Variants in NUB1 observed in about 807,000 individuals in gnomAD.
The protein encoded by NUB1 is negative regulator of ubiquitin like proteins 1.
A neutral mutation model predicts 77.1 loss-of-function variants in NUB1; 41 were observed. The ratio of observed to expected loss-of-function variants is 0.53; its 90% CI spans 0.41 to 0.69. The LOEUF (loss-of-function observed/expected upper bound fraction) is 0.69. NUB1 is among the 30% of genes least tolerant of loss of function. The pLI, the probability that NUB1 is intolerant of heterozygous loss-of-function variation, is 0.00. For missense variants in NUB1, 643 were observed against 743.8 expected, an observed-to-expected ratio of 0.86 and a Z score of 1.58; for synonymous variants, 257 against 281.0, an observed-to-expected ratio of 0.91 and a Z score of 0.85.
At chr7:151,371,397 A>T (rs1432473935) in intron 11 of NUB1, among the ~76,000 whole-genome samples, 1 of 112,836 alleles carries the variant, frequency 8.9e-6, no homozygotes, top group Non-Finnish European at 1.7e-5. Flanking sequence ...TCATCCAGTC[A>T]CAACAAGGGC....
intron 1 of NUB1, among the ~76,000 whole-genome samples, chr7:151,342,703 T>A (rs527447137): frequency 6.6e-6 from 1 of 152,372 alleles, no homozygotes; most frequent in Non-Finnish European, 1.5e-5. Flanking sequence ...AATTTTTTTT[T>A]AACATTAAAT....
intron 10 of NUB1, among the ~76,000 whole-genome samples, chr7:151,368,261 G>GC (rs540584760): frequency 1.2e-3 from 184 of 152,304 alleles, no homozygotes; most frequent in African/African-American, 4.1e-3. Flanking sequence ...CCTCAGCGAG[G>GC]CGTCCTAGGT....
intron 8 of NUB1, among the ~76,000 whole-genome samples, chr7:151,366,271 G>A (rs560169555): frequency 5.9e-5 from 9 of 152,294 alleles, no homozygotes; most frequent in South Asian, 4.1e-4. Context: ...CAGCTGGGCC[G>A]TTAGAGCCTG....
At chr7:151,354,210 T>G (rs906689885) in intron 5 of NUB1, among the ~76,000 whole-genome samples, 2 of 152,112 alleles carry the variant, frequency 1.3e-5, no homozygotes, top group Admixed American at 6.6e-5. Context: ...GTGGTGACCC[T>G]TTTTGGGGGG....
Position 151,377,030 on chromosome 7 carries a change from G to C in NUB1, c.1670-17G>C. The C allele has an allele frequency of 6.6e-7, 1 of 1,526,104 alleles. No homozygotes were observed. The highest frequency in any genetic ancestry group is 8.8e-7 in the Non-Finnish European group (1 of 1,136,062). The allele number at this position is 1,526,104 out of a possible 1,614,324, so 94.5% of individuals were successfully genotyped here. A position where few individuals can be genotyped will look rare whatever the true frequency, so the allele number is the denominator to read the frequency against. On this transcript the variant is annotated splice_polypyrimidine_tract_variant and intron_variant, in intron 14 of 14. Transcript: ENST00000568733. ...ATCCTCACATAATTCACTTACTCCTGCGGTATTTTATTGTAGGAACCTCTA... is the reference window on the plus strand; with the variant it reads ...ATCCTCACATAATTCACTTACTCCTCCGGTATTTTATTGTAGGAACCTCTA...
chr7:151,367,646 C>T (rs28668325), intron 9 of NUB1, among the ~76,000 whole-genome samples: 5,457 of 152,246 alleles, frequency 0.036, 193 homozygotes, highest in African/African-American at 0.092. Flanking sequence ...GGTGCCCTGA[C>T]ACTGACTCTC....
In NUB1 at chr7:151,377,041, T is replaced by C. The variant is rs1402015509; in HGVS notation, c.1670-6T>C. The C allele has an allele frequency of 6.5e-7, 1 of 1,537,666 alleles. No homozygotes were observed. The highest frequency in any genetic ancestry group is 2.2e-5 in the Admixed American group (1 of 45,900). ...ATTCACTTACTCCTGCGGTATTTTA[T>C]TGTAGGAACCTCTAGTGCCTCAACA... On this transcript the variant is annotated splice_region_variant and splice_polypyrimidine_tract_variant and intron_variant, in intron 14 of 14. Coordinates refer to ENST00000568733, the MANE Select transcript of NUB1 (RefSeq NM_001243351.2).
intron 3 of NUB1, among the ~76,000 whole-genome samples, chr7:151,349,619 G>A (rs1329759667): frequency 1.3e-5 from 2 of 152,206 alleles, no homozygotes; most frequent in South Asian, 2.1e-4. Context: ...AGGGCAGTCC[G>A]CTGAGTGCTC....
intron 8 of NUB1, among the ~76,000 whole-genome samples, chr7:151,361,477 T>G (rs1797378573): frequency 6.6e-6 from 1 of 152,244 alleles, no homozygotes. Flanking sequence ...AGACCAGGAA[T>G]CAGCAATTTC....
At chr7:151,347,418 GA>G (rs58078152) in intron 2 of NUB1, among the ~76,000 whole-genome samples, 1 of 149,640 alleles carries the variant, frequency 6.7e-6, no homozygotes, top group African/African-American at 2.5e-5. Flanking sequence ...GTCTCTAAAA[GA>G]AAAAAAAAGT....
intron 8 of NUB1, among the ~76,000 whole-genome samples, chr7:151,363,573 G>A (rs1034213591): frequency 1.3e-5 from 2 of 151,538 alleles, no homozygotes; most frequent in Admixed American, 6.6e-5. Context: ...AATACTTGAA[G>A]AAAAAAATGG....
In NUB1 at chr7:151,360,253, C is replaced by T. The variant is rs767089160; in HGVS notation, c.800+6C>T. 27 of 1,505,684 alleles carry T rather than the reference C, an allele frequency of 1.8e-5. No individual in the cohort carries two copies. Among genetic ancestry groups the T allele is most frequent in the South Asian group, 9.0e-5 (8 of 88,616 alleles). The allele number at this position is 1,505,684 out of a possible 1,614,324, so 93.3% of individuals were successfully genotyped here. A position where few individuals can be genotyped will look rare whatever the true frequency, so the allele number is the denominator to read the frequency against. On this transcript the variant is annotated splice_donor_region_variant and intron_variant, in intron 8 of 14. Coordinates refer to ENST00000568733, the MANE Select transcript of NUB1 (RefSeq NM_001243351.2). Reference sequence around the variant, plus strand: ...GACGCTGACAAATATTTCTGGTAGGCGCTTTTGTACTTGGTGAACACCAGC... The same window carrying T: ...GACGCTGACAAATATTTCTGGTAGGTGCTTTTGTACTTGGTGAACACCAGC...
Position 151,349,174 on chromosome 7 carries a change from A to G in NUB1, c.219A>G (p.Gly73=), listed in dbSNP as rs1563011106. 6.2e-7 allele frequency: 1 copy of G among 1,613,750 alleles called. No individual in the cohort carries two copies. The change falls in exon 3 of 15, where the codon GGA becomes GGG. Residue 73 remains glycine, a synonymous_variant. Coordinates refer to ENST00000568733, the MANE Select transcript of NUB1 (RefSeq NM_001243351.2). ...GCAAGGCAATTGAGCGTGGAACAGG[A>G]AATGACAATTATAGAACAACGGGAA... The part of the protein sequence containing the change: ...IRCKAIERGT[G]NDNYRTTGIA...
chr7:151,366,455 T>A (rs1797687071), intron 8 of NUB1, among the ~76,000 whole-genome samples: 1 of 152,064 alleles, frequency 6.6e-6, no homozygotes, highest in Non-Finnish European at 1.5e-5. Context: ...TCTGGCAGTA[T>A]AACCACCAGG....
intron 3 of NUB1, 183 bp from the exon 4 acceptor site, chr7:151,351,241 G>A (rs954520235): frequency 1.9e-5 from 11 of 582,728 alleles, no homozygotes; most frequent in Non-Finnish European, 3.1e-5. Context: ...CCTTGAGGAC[G>A]TGCAGGTCAC....
chr7:151,350,543 C>A (rs1051792493), intron 3 of NUB1, among the ~76,000 whole-genome samples: 13 of 152,362 alleles, frequency 8.5e-5, no homozygotes, highest in East Asian at 1.9e-4. Context: ...CCCTTCAGCT[C>A]CTATCTCTGT....
intron 7 of NUB1, among the ~76,000 whole-genome samples, chr7:151,356,866 T>G (rs918438226): frequency 1.3e-5 from 2 of 151,858 alleles, no homozygotes; most frequent in Admixed American, 1.3e-4. Context: ...TACAGGCATG[T>G]GCCACCACGG....
At chr7:151,360,618 T>G in intron 8 of NUB1, 1 of 158,252 alleles carries the variant, frequency 6.3e-6, no homozygotes, top group Non-Finnish European at 1.3e-5. Context: ...ATATTATTCC[T>G]TCTGTACTTA....
chr7:151,357,715 T>A (rs956947356), intron 7 of NUB1, among the ~76,000 whole-genome samples: 13 of 151,752 alleles, frequency 8.6e-5, no homozygotes, highest in African/African-American at 3.1e-4. Flanking sequence ...GTTCAAGCAA[T>A]TCTCCTGCCT....
Sources: allele counts gnomAD v4.1 joint callset (sites outside exome capture counted in the v4.1 genomes callset), GRCh38; gene constraint gnomAD v4.1.1; transcripts MANE v1.5; gene names NCBI Gene and HGNC (gene_info 2026-07-23, HGNC 2026-07-21).